The following ZMYND11 variants were observed in gnomAD, a reference collection of about 807,000 sequenced individuals.
ZMYND11 encodes zinc finger MYND domain-containing protein 11.
A neutral mutation model predicts 84.9 loss-of-function variants in ZMYND11; 9 were observed. The observed-to-expected ratio is 0.11, with a 90% confidence interval of 0.06 to 0.18. ZMYND11 has a LOEUF of 0.18. Ranked by LOEUF, ZMYND11 falls within the 10% of genes least tolerant of loss-of-function variation. ZMYND11 has a pLI of 1.00. For missense variants in ZMYND11, 409 were observed against 761.0 expected (o/e 0.54, Z 5.44); for synonymous variants, 250 against 244.1 (o/e 1.02, Z -0.23).
chr10:163,975 T>C (rs1319619109), intron 1 of ZMYND11, among the ~76,000 whole-genome samples: 3 of 152,154 alleles, frequency 2.0e-5, no homozygotes, highest in African/African-American at 7.2e-5. Context: ...GTTTGGTTTC[T>C]TGCCTGAGCC....
At chr10:221,121 A>G in intron 3 of ZMYND11, 74 bp from the exon 4 acceptor site, 1 of 1,305,988 alleles carries the variant, frequency 7.7e-7, no homozygotes. Flanking sequence ...GATGGACATT[A>G]GTTTCAATTT....
rs1240344260 is a variant in ZMYND11 at position 135,745 on chromosome 10, G to A, written c.-20+186G>A. ...CGGGGAGCTTTGTGGATGGCGGGGC[G>A]GGCCGGGCCGGCGGGGCCTGCGAGG... is the stretch of plus-strand genomic sequence containing the variant. On this transcript the variant is annotated intron_variant, in intron 1 of 14. Coordinates refer to ENST00000381604, the MANE Select transcript of ZMYND11 (RefSeq NM_001370100.5). The surrounding 1 kb of genome is among the most constrained non-coding windows in gnomAD (Gnocchi z 5.6). Among the ~76,000 whole-genome samples the A allele has an allele frequency of 2.7e-5, 4 of 147,744 alleles. No homozygotes were observed. The highest frequency in any genetic ancestry group is 6.7e-5 in the Admixed American group (1 of 14,888).
At chr10:200,876 C>A (rs1215212010) in intron 2 of ZMYND11, among the ~76,000 whole-genome samples, 1 of 151,812 alleles carries the variant, frequency 6.6e-6, no homozygotes, top group Non-Finnish European at 1.5e-5. Flanking sequence ...AAATGTTTTT[C>A]CATTTTATTG....
chr10:240,419 G>A (rs1238906957), intron 8 of ZMYND11, among the ~76,000 whole-genome samples: 3 of 152,184 alleles, frequency 2.0e-5, no homozygotes, highest in Non-Finnish European at 2.9e-5. Context: ...CAGGAGAATC[G>A]CTTGAACGTG....
chr10:190,765 G>C (rs763279537), intron 2 of ZMYND11, among the ~76,000 whole-genome samples: 1 of 152,014 alleles, frequency 6.6e-6, no homozygotes, highest in Non-Finnish European at 1.5e-5. Context: ...TCTTCATTTT[G>C]TATTTTTCCT....
At chr10:163,567 A>G (rs1288624979) in intron 1 of ZMYND11, among the ~76,000 whole-genome samples, 1 of 152,082 alleles carries the variant, frequency 6.6e-6, no homozygotes, top group African/African-American at 2.4e-5. Flanking sequence ...ATAATATCCT[A>G]TTTATGGTTT....
chr10:245,458 G>T (rs1231686079), intron 10 of ZMYND11, among the ~76,000 whole-genome samples: 1 of 152,146 alleles, frequency 6.6e-6, no homozygotes, highest in African/African-American at 2.4e-5. Flanking sequence ...ACAGGCCAGG[G>T]ATGAAAACTG....
At chr10:179,929 C>A in intron 1 of ZMYND11, 65 bp from the exon 2 acceptor site, 3 of 943,324 alleles carry the variant, frequency 3.2e-6, no homozygotes, top group South Asian at 1.5e-5. Context: ...TAATGTTACT[C>A]ACTTATACTG....
chr10:170,149 C>T lies in ZMYND11; in HGVS notation c.-19-9845C>T, dbSNP rs1446332803. The stretch of plus-strand genomic sequence containing the variant: ...AATGAAATGTTGAAAGAAAAAACCC[C>T]ACCAACCTAGGATTCTGTGTCCAGC... On this transcript the variant is annotated intron_variant, in intron 1 of 14. Coordinates refer to ENST00000381604, the MANE Select transcript of ZMYND11 (RefSeq NM_001370100.5). Among the ~76,000 whole-genome samples, 4 of 152,124 alleles carry T rather than the reference C, an allele frequency of 2.6e-5. No individual in the cohort carries two copies. The East Asian group carries it at 7.7e-4, about 29-fold the overall frequency.
rs1010589862 is a variant in ZMYND11 at position 239,358 on chromosome 10, C to T, written c.610-80C>T. On this transcript the variant is annotated intron_variant, in intron 6 of 14. Transcript: ENST00000381604. ...CATCCTGATGTCATCCTAGAAAAGA[C>T]TGCTTGTCCTGTGAACTTAGTCCAG... is the stretch of plus-strand genomic sequence containing the variant. The T allele has an allele frequency of 2.5e-5, 28 of 1,124,990 alleles. No individual in the cohort carries two copies. In the African/African-American group the frequency reaches 4.2e-4, roughly 17 times the overall value. The allele number at this position is 1,124,990 out of a possible 1,614,324, so 69.7% of individuals were successfully genotyped here.
chr10:180,742 T>C (rs779392211), intron 2 of ZMYND11, among the ~76,000 whole-genome samples: 1 of 152,222 alleles, frequency 6.6e-6, no homozygotes, highest in Non-Finnish European at 1.5e-5. Context: ...ATCACTTTTA[T>C]GTAGCGAAGC....
At chr10:238,735 T>C (rs902158944) in intron 6 of ZMYND11, among the ~76,000 whole-genome samples, 1 of 152,142 alleles carries the variant, frequency 6.6e-6, no homozygotes, top group African/African-American at 2.4e-5. Flanking sequence ...GTTTTTCCCT[T>C]AAAGTAACTG....
chr10:171,864 A>AG (rs1241438760), intron 1 of ZMYND11, among the ~76,000 whole-genome samples: 1 of 152,224 alleles, frequency 6.6e-6, no homozygotes, highest in African/African-American at 2.4e-5. Flanking sequence ...AATGTCATAT[A>AG]GGAAGTCCTA....
intron 1 of ZMYND11, among the ~76,000 whole-genome samples, chr10:158,984 G>GGTTT (rs1554760453): frequency 1.0e-4 from 4 of 40,024 alleles, no homozygotes; most frequent in Non-Finnish European, 2.1e-4. Flanking sequence ...AGGGTTTTTT[G>GGTTT]TTTTTTGTTT....
At chr10:200,821 T>G (rs1309116316) in intron 2 of ZMYND11, among the ~76,000 whole-genome samples, 7 of 152,358 alleles carry the variant, frequency 4.6e-5, no homozygotes, top group Non-Finnish European at 7.3e-5. Flanking sequence ...TTTCCTGTTT[T>G]AGTTTCGCAT....
chr10:248,817 G>C, intron 13 of ZMYND11, 86 bp from the exon 14 acceptor site: 1 of 1,493,858 alleles, frequency 6.7e-7, no homozygotes, highest in South Asian at 1.3e-5. Flanking sequence ...GGTACCTCAT[G>C]CAAGTTGTGT....
At chr10:162,427 T>A (rs1246114420) in intron 1 of ZMYND11, among the ~76,000 whole-genome samples, 11 of 151,886 alleles carry the variant, frequency 7.2e-5, no homozygotes, top group Admixed American at 7.2e-4. Flanking sequence ...TGACTCAGGG[T>A]TGCCACATCA....
At chr10:227,426 A>C (rs1015485068) in intron 4 of ZMYND11, among the ~76,000 whole-genome samples, 2 of 152,206 alleles carry the variant, frequency 1.3e-5, no homozygotes, top group East Asian at 3.8e-4. Flanking sequence ...AAAACTCACC[A>C]TTGGGAGTCC....
At chr10:225,611 G>A (rs879626742) in intron 4 of ZMYND11, among the ~76,000 whole-genome samples, 2 of 152,180 alleles carry the variant, frequency 1.3e-5, no homozygotes, top group African/African-American at 2.4e-5. Context: ...GCCTCCCAAA[G>A]TGCTGGGATT....
Sources: gnomAD v4.1 joint callset for allele counts (sites outside exome capture counted in the v4.1 genomes callset) on GRCh38, gnomAD v4.1.1 for gene constraint, Gnocchi (gnomAD v3.1) non-coding constraint, MANE v1.5 for transcripts, NCBI Gene and HGNC (gene_info 2026-07-23, HGNC 2026-07-21) for gene names.